GALNT10: variants seen among roughly 807,000 people sequenced by gnomAD.
GALNT10 encodes GalNAc transferase 10.
In GALNT10, 41 loss-of-function variants were observed where a neutral mutation model predicts 75.0. That is an observed-to-expected ratio of 0.55 (90% CI 0.43 to 0.71). GALNT10 has a LOEUF of 0.71. GALNT10 is among the 30% of genes least tolerant of loss of function. The pLI, the probability that GALNT10 is intolerant of heterozygous loss-of-function variation, is 0.00. For synonymous variants in GALNT10, 302 were observed against 313.0 expected (o/e 0.96, Z 0.37); for missense variants, 727 against 818.5 (o/e 0.89, Z 1.36).
rs768624326 is a variant in GALNT10 at position 154,409,813 on chromosome 5, G to A, written c.1386+51G>A. 11 of 1,171,562 alleles carry A rather than the reference G, an allele frequency of 9.4e-6. No individual in the cohort carries two copies. The South Asian group carries it at 1.3e-4, about 14-fold the overall frequency. The allele number at this position is 1,171,562 out of a possible 1,614,324, so 72.6% of individuals were successfully genotyped here. A position where few individuals can be genotyped will look rare whatever the true frequency, so the allele number is the denominator to read the frequency against. On this transcript the variant is annotated intron_variant, in intron 9 of 11. Transcript: ENST00000297107. The surrounding 1 kb of genome is among the most constrained non-coding windows in gnomAD (Gnocchi z 4.5). Reference sequence around the variant, plus strand: ...CCATAATTTAATGGGTGTGCAAAATGCAAATGCAGATCCCATGTTCAAAAG... The same window carrying A: ...CCATAATTTAATGGGTGTGCAAAATACAAATGCAGATCCCATGTTCAAAAG...
At chr5:154,238,580 G>A (rs915914216) in intron 1 of GALNT10, among the ~76,000 whole-genome samples, 6 of 152,132 alleles carry the variant, frequency 3.9e-5, no homozygotes, top group African/African-American at 7.2e-5. Flanking sequence ...ATTATTAAAC[G>A]CTGATTGAGC....
At chr5:154,256,521 G>A (rs955970039) in intron 1 of GALNT10, among the ~76,000 whole-genome samples, 24 of 151,772 alleles carry the variant, frequency 1.6e-4, no homozygotes, top group African/African-American at 5.8e-4. Flanking sequence ...GAATTTTTTA[G>A]GTGTGTCACA....
At chr5:154,405,241 G>A (rs550480684) in intron 8 of GALNT10, among the ~76,000 whole-genome samples, 1 of 152,322 alleles carries the variant, frequency 6.6e-6, no homozygotes, top group East Asian at 1.9e-4. Flanking sequence ...CCGGGACCTA[G>A]AAGAGCGTTG....
chr5:154,373,464 A>C (rs528298480), intron 4 of GALNT10, among the ~76,000 whole-genome samples: 8 of 152,142 alleles, frequency 5.3e-5, no homozygotes, highest in Non-Finnish European at 1.2e-4. Context: ...ATCATTTATA[A>C]ACTATGTTCC....
intron 1 of GALNT10, among the ~76,000 whole-genome samples, chr5:154,290,582 C>T (rs2113068543): frequency 6.6e-6 from 1 of 152,262 alleles, no homozygotes; most frequent in Non-Finnish European, 1.5e-5. Flanking sequence ...TGTCCTCAAT[C>T]CATGTGTAAA....
chr5:154,271,191 T>C (rs1581948944), intron 1 of GALNT10, among the ~76,000 whole-genome samples: 1 of 151,628 alleles, frequency 6.6e-6, no homozygotes, highest in South Asian at 2.1e-4. Context: ...AAGGGTTTAA[T>C]AATAGAGCCA....
intron 1 of GALNT10, among the ~76,000 whole-genome samples, chr5:154,224,395 GTC>G (rs1187238329): frequency 6.6e-6 from 1 of 152,198 alleles, no homozygotes; most frequent in African/African-American, 2.4e-5. Context: ...ATTTGACCCA[GTC>G]TCTTGCTTCC....
chr5:154,294,951 C>A, intron 2 of GALNT10, 33 bp downstream of exon 2: 1 of 968,266 alleles, frequency 1.0e-6, no homozygotes, highest in Non-Finnish European at 1.7e-6. Flanking sequence ...TGGGTGGGCT[C>A]TGTGAAGGGC....
chr5:154,414,689 A>G (rs906100765), intron 10 of GALNT10, among the ~76,000 whole-genome samples: 3 of 152,112 alleles, frequency 2.0e-5, no homozygotes, highest in African/African-American at 7.2e-5. Context: ...CGGTGTAAAC[A>G]TATGTCAAGA....
chr5:154,220,887 G>A (rs1198059512), intron 1 of GALNT10, among the ~76,000 whole-genome samples: 1 of 152,154 alleles, frequency 6.6e-6, no homozygotes, highest in African/African-American at 2.4e-5. Flanking sequence ...GGTCCAGCAA[G>A]GCCAGATCCT....
rs935666574 is a variant in GALNT10 at position 154,419,917 on chromosome 5, C to T, written c.*2945C>T. 1 of 152,190 alleles carries T rather than the reference C, an allele frequency of 6.6e-6. No individual in the cohort carries two copies. Among genetic ancestry groups the T allele is most frequent in the Non-Finnish European group, 1.5e-5 (1 of 68,050 alleles). The allele number at this position is 152,190 out of a possible 1,614,324, so 9.4% of individuals were successfully genotyped here. On this transcript the variant is annotated 3_prime_UTR_variant, in exon 12 of 12. Transcript: ENST00000297107. ...AGCCTTTACTCTGAGGATAAGGTCA[C>T]AAAGTAGGGTGTGACTTGAAAGTAT...
intron 1 of GALNT10, among the ~76,000 whole-genome samples, chr5:154,193,160 T>G (rs1774885498): frequency 6.7e-6 from 1 of 150,216 alleles, no homozygotes; most frequent in Admixed American, 6.7e-5. Flanking sequence ...GGTTTGGGGG[T>G]TTGGGGGGAA....
In GALNT10 at chr5:154,391,378, A is replaced by G. The variant is rs1582006995; in HGVS notation, c.1056+4948A>G. Among the ~76,000 whole-genome samples the G allele has an allele frequency of 2.6e-5, 4 of 152,350 alleles. No homozygotes were observed. The East Asian group carries it at 7.7e-4, about 29-fold the overall frequency. The stretch of plus-strand genomic sequence containing the variant: ...GGGCTGATTCCAGACCGGATTCTCT[A>G]TCCTGATGAGAAAATCCCCAAAAAG... On this transcript the variant is annotated intron_variant, in intron 7 of 11. Coordinates refer to ENST00000297107, the MANE Select transcript of GALNT10 (RefSeq NM_198321.4).
At chr5:154,225,996 G>C (rs1466744249) in intron 1 of GALNT10, among the ~76,000 whole-genome samples, 1 of 152,024 alleles carries the variant, frequency 6.6e-6, no homozygotes, top group Non-Finnish European at 1.5e-5. Context: ...GGTAGGGGAA[G>C]GGGGGAGGGA....
At chr5:154,281,487 C>A (rs912100847) in intron 1 of GALNT10, among the ~76,000 whole-genome samples, 6 of 152,214 alleles carry the variant, frequency 3.9e-5, no homozygotes, top group South Asian at 4.1e-4. Context: ...ATGTCATGGG[C>A]AGATATTATT....
Position 154,409,804 on chromosome 5 carries a change from G to T in GALNT10, c.1386+42G>T, listed in dbSNP as rs1756360283. On this transcript the variant is annotated intron_variant, in intron 9 of 11. Transcript: ENST00000297107. This position sits in a 1 kb window ranked among gnomAD's most constrained non-coding sequence, Gnocchi z 4.5. ...GGGCTGGCTCCATAATTTAATGGGTGTGCAAAATGCAAATGCAGATCCCAT... is the reference window on the plus strand; with the variant it reads ...GGGCTGGCTCCATAATTTAATGGGTTTGCAAAATGCAAATGCAGATCCCAT... 1 of 1,303,784 alleles carries T rather than the reference G, an allele frequency of 7.7e-7. No homozygotes were observed. Among genetic ancestry groups the T allele is most frequent in the South Asian group, 1.2e-5 (1 of 84,796 alleles). The allele number at this position is 1,303,784 out of a possible 1,614,324, so 80.8% of individuals were successfully genotyped here. A position where few individuals can be genotyped will look rare whatever the true frequency, so the allele number is the denominator to read the frequency against.
chr5:154,357,551 G>T (rs1755314622), intron 4 of GALNT10, among the ~76,000 whole-genome samples: 2 of 152,066 alleles, frequency 1.3e-5, no homozygotes, highest in Admixed American at 1.3e-4. Flanking sequence ...CAAGGTGCTG[G>T]AAACAGCCCC....
At chr5:154,353,920 T>C (rs1324352676) in intron 4 of GALNT10, among the ~76,000 whole-genome samples, 1 of 152,202 alleles carries the variant, frequency 6.6e-6, no homozygotes, top group Non-Finnish European at 1.5e-5. Context: ...GACCCTCCCA[T>C]AGACCATGTC....
chr5:154,274,764 C>G (rs975817943), intron 1 of GALNT10, among the ~76,000 whole-genome samples: 2 of 152,174 alleles, frequency 1.3e-5, no homozygotes, highest in African/African-American at 4.8e-5. Flanking sequence ...AACTAAAAAT[C>G]AAGAAATAGC....
Sources: allele counts gnomAD v4.1 joint callset (sites outside exome capture counted in the v4.1 genomes callset), GRCh38; gene constraint gnomAD v4.1.1; non-coding constraint Gnocchi (gnomAD v3.1); transcripts MANE v1.5; gene names NCBI Gene and HGNC (gene_info 2026-07-23, HGNC 2026-07-21).